SEPTIN7: variants seen among roughly 807,000 people sequenced by gnomAD.
SEPTIN7 encodes the protein septin-7.
In SEPTIN7, 10 loss-of-function variants were observed where a neutral mutation model predicts 63.3. The ratio of observed to expected loss-of-function variants is 0.16; its 90% CI spans 0.10 to 0.27. The LOEUF is 0.27. SEPTIN7 is among the 10% of genes least tolerant of loss of function. The pLI is 1.00. For synonymous variants in SEPTIN7, 131 were observed against 165.3 expected (o/e 0.79, Z 1.59); for missense variants, 310 against 521.0 (o/e 0.59, Z 3.94).
At chr7:35,862,690 T>C (rs1785574466) in intron 3 of SEPTIN7, among the ~76,000 whole-genome samples, 1 of 152,198 alleles carries the variant, frequency 6.6e-6, no homozygotes, top group Admixed American at 6.5e-5. Flanking sequence ...CATAAAAATA[T>C]TGTGACATCA....
chr7:35,818,481 G>A (rs1789223984), intron 1 of SEPTIN7, among the ~76,000 whole-genome samples: 2 of 152,010 alleles, frequency 1.3e-5, no homozygotes, highest in South Asian at 4.1e-4. Flanking sequence ...AAAATGAGTT[G>A]GGAAGTATTT....
chr7:35,883,948 A>G lies in SEPTIN7; in HGVS notation c.781A>G (p.Arg261Gly). 1 of 1,610,212 alleles carries G rather than the reference A, an allele frequency of 6.2e-7. No individual in the cohort carries two copies. Among genetic ancestry groups the G allele is most frequent in the Non-Finnish European group, 8.5e-7 (1 of 1,177,384 alleles). ...TACTATCATTGAAGTTAATGGCAAA[A>G]GGGTCAGAGGAAGGCAGTATCCTTG... ...SNTIIEVNGK[R>G]VRGRQYPWGV... Residue 261 changes from arginine to glycine, a missense_variant, in exon 9 of 14, where the codon AGG becomes GGG. Physicochemically the swap from Arg to Gly is moderately radical, Grantham distance 125. Coordinates refer to ENST00000350320, the MANE Select transcript of SEPTIN7 (RefSeq NM_001788.6).
At chr7:35,881,499 CT>C (rs397962604) in intron 7 of SEPTIN7, among the ~76,000 whole-genome samples, 460 of 138,766 alleles carry the variant, frequency 3.3e-3, no homozygotes, top group Non-Finnish European at 3.3e-3. Context: ...CTTGTTTATT[CT>C]TTTTTTTTTT....
intron 1 of SEPTIN7, among the ~76,000 whole-genome samples, chr7:35,828,005 G>A (rs1230333056): frequency 6.6e-6 from 1 of 152,178 alleles, no homozygotes; most frequent in Non-Finnish European, 1.5e-5. Context: ...TCAGCACTTT[G>A]CTAAGAACAT....
At chr7:35,888,563 T>C (rs1787423857) in intron 10 of SEPTIN7, among the ~76,000 whole-genome samples, 1 of 152,148 alleles carries the variant, frequency 6.6e-6, no homozygotes, top group African/African-American at 2.4e-5. Context: ...TTCACACCTG[T>C]AATCCCAGCA....
intron 11 of SEPTIN7, among the ~76,000 whole-genome samples, chr7:35,896,884 A>G (rs1210393961): frequency 6.6e-6 from 1 of 152,234 alleles, no homozygotes; most frequent in Non-Finnish European, 1.5e-5. Flanking sequence ...ATTATATCAC[A>G]TCTTTGTTCT....
chr7:35,867,231 A>G (rs1354536323), intron 4 of SEPTIN7, among the ~76,000 whole-genome samples: 1 of 152,246 alleles, frequency 6.6e-6, no homozygotes, highest in East Asian at 1.9e-4. Context: ...TTCATGTTTC[A>G]GTATCAAATA....
Position 35,863,625 on chromosome 7 carries a change from AG to A in SEPTIN7, c.245del (p.Gly82ValfsTer18). On this transcript the variant is annotated frameshift_variant, in exon 4 of 14. Transcript: ENST00000350320. LOFTEE classifies it high-confidence loss of function. ...LTDLYSPEYP[G>X]PSHRIKKTVQ... ...CAGATTTGTATTCTCCAGAGTATCC[AG>A]GTCCTTCTCATAGAATTAAAAAGAC... is the stretch of plus-strand genomic sequence containing the variant. 1 of 1,582,274 alleles carries A rather than the reference AG, an allele frequency of 6.3e-7. No individual in the cohort carries two copies. The highest frequency in any genetic ancestry group is 8.6e-7 in the Non-Finnish European group (1 of 1,167,964).
chr7:35,838,710 T>C (rs1784259250), intron 3 of SEPTIN7: 1 of 151,934 alleles, frequency 6.6e-6, no homozygotes, highest in African/African-American at 2.4e-5. Context: ...TTACTTAATG[T>C]CTTCTTGCTT....
chr7:35,902,850 T>C, intron 12 of SEPTIN7: 1 of 498,834 alleles, frequency 2.0e-6, no homozygotes, highest in Non-Finnish European at 3.2e-6. Context: ...CTTTTTTTTT[T>C]TTTCCTGTTT....
chr7:35,816,094 A>G (rs1337830786), intron 1 of SEPTIN7, among the ~76,000 whole-genome samples: 1 of 152,198 alleles, frequency 6.6e-6, no homozygotes, highest in Non-Finnish European at 1.5e-5. Flanking sequence ...GATAATTTAC[A>G]TGCCATAAAA....
chr7:35,846,024 T>G (rs1339398540), intron 3 of SEPTIN7, among the ~76,000 whole-genome samples: 1 of 152,128 alleles, frequency 6.6e-6, no homozygotes, highest in Non-Finnish European at 1.5e-5. Context: ...CTATAAAAAC[T>G]AGGACTTGTT....
At chr7:35,876,979 A>AG (rs1311632276) in intron 6 of SEPTIN7, among the ~76,000 whole-genome samples, 3 of 152,020 alleles carry the variant, frequency 2.0e-5, no homozygotes, top group Non-Finnish European at 4.4e-5. Context: ...AGAAAAAAAA[A>AG]TTAGCTGGGC....
At chr7:35,903,721 G>C (rs1336567430) in intron 13 of SEPTIN7, among the ~76,000 whole-genome samples, 1 of 151,934 alleles carries the variant, frequency 6.6e-6, no homozygotes, top group Non-Finnish European at 1.5e-5. Context: ...TTTGTACCTT[G>C]GTTTTCTTTT....
intron 1 of SEPTIN7, chr7:35,815,275 T>C: frequency 3.2e-6 from 1 of 309,654 alleles, no homozygotes; most frequent in Non-Finnish European, 6.3e-6. Context: ...GCACCAGAAG[T>C]GCTCATTGCT....
chr7:35,837,412 A>G (rs944907217), intron 3 of SEPTIN7, among the ~76,000 whole-genome samples: 1 of 152,158 alleles, frequency 6.6e-6, no homozygotes, highest in Non-Finnish European at 1.5e-5. Context: ...ATTCTTGGTC[A>G]TATTGTCAGG....
intron 7 of SEPTIN7, among the ~76,000 whole-genome samples, chr7:35,881,828 G>C (rs1316144761): frequency 6.6e-6 from 1 of 151,890 alleles, no homozygotes. Flanking sequence ...ATTTGAACTA[G>C]GTCATTTCTG....
At chr7:35,802,700 T>A (rs1489858279) in intron 1 of SEPTIN7, among the ~76,000 whole-genome samples, 1 of 152,152 alleles carries the variant, frequency 6.6e-6, no homozygotes, top group Non-Finnish European at 1.5e-5. Context: ...ATTTATGGAA[T>A]CCTGATAGAC....
chr7:35,869,820 T>G (rs540344591), intron 4 of SEPTIN7, among the ~76,000 whole-genome samples: 4 of 152,140 alleles, frequency 2.6e-5, no homozygotes, highest in Non-Finnish European at 4.4e-5. Context: ...GACGATAGCT[T>G]TAGTTTTATT....
Sources: gnomAD v4.1 joint callset for allele counts (sites outside exome capture counted in the v4.1 genomes callset) on GRCh38, gnomAD v4.1.1 for gene constraint, MANE v1.5 for transcripts, NCBI Gene and HGNC (gene_info 2026-07-23, HGNC 2026-07-21) for gene names.